The following TCEA1 variants were observed in gnomAD, a reference collection of about 807,000 sequenced individuals.
TCEA1 encodes transcription elongation factor A protein 1.
A neutral mutation model predicts 43.8 loss-of-function variants in TCEA1; 21 were observed. The ratio of observed to expected loss-of-function variants is 0.48; its 90% CI spans 0.34 to 0.69. The LOEUF is 0.69. Ranked by LOEUF, TCEA1 falls within the 30% of genes least tolerant of loss-of-function variation. The probability of loss-of-function intolerance (pLI) is 0.01; values close to 1 mark genes in which losing one functional copy is unlikely to be tolerated. For missense variants in TCEA1, 250 were observed against 365.1 expected (o/e 0.68, Z 2.57); for synonymous variants, 104 against 117.5 (o/e 0.88, Z 0.75).
intron 8 of TCEA1, chr8:53,973,349 G>T: frequency 1.9e-6 from 1 of 522,148 alleles, no homozygotes; most frequent in South Asian, 1.7e-5. Flanking sequence ...CTGACCCCTT[G>T]GGAACAATTT....
rs1803005745 is a variant in TCEA1, at chr8:53,966,996, A to G, written c.*1108T>C. 1 of 203,748 alleles carries G rather than the reference A, an allele frequency of 4.9e-6. No homozygotes were observed. The highest frequency in any genetic ancestry group is 2.3e-5 in the African/African-American group (1 of 43,602). The allele number at this position is 203,748 out of a possible 1,614,324, so 12.6% of individuals were successfully genotyped here. ...CAGAAAAAATGGTACACACTTTAACAAAAGCAAAACTTAATTGTAAGATCT... is the reference window on the plus strand; with the variant it reads ...CAGAAAAAATGGTACACACTTTAACGAAAGCAAAACTTAATTGTAAGATCT... On this transcript the variant is annotated 3_prime_UTR_variant, in exon 10 of 10. Transcript: ENST00000521604.
intron 2 of TCEA1, among the ~76,000 whole-genome samples, 151 bp from the exon 3 acceptor site, chr8:54,000,201 A>G (rs1032490106): frequency 3.3e-5 from 5 of 152,242 alleles, no homozygotes; most frequent in African/African-American, 1.2e-4. Flanking sequence ...AAATTATATT[A>G]AGATACATAC....
intron 3 of TCEA1, among the ~76,000 whole-genome samples, chr8:53,995,723 C>A (rs1459904023): frequency 6.6e-6 from 1 of 152,224 alleles, no homozygotes; most frequent in Non-Finnish European, 1.5e-5. Context: ...ATCCAAATCT[C>A]TGGCAGTGAG....
chr8:53,990,906 A>C (rs1342838236), intron 4 of TCEA1, among the ~76,000 whole-genome samples: 1 of 152,212 alleles, frequency 6.6e-6, no homozygotes, highest in Admixed American at 6.5e-5. Context: ...CAAGCAACTT[A>C]GATTTAACCT....
intron 8 of TCEA1, among the ~76,000 whole-genome samples, chr8:53,974,547 G>A (rs1412163660): frequency 7.2e-6 from 1 of 139,772 alleles, no homozygotes; most frequent in South Asian, 2.6e-4. Flanking sequence ...GTGGGGGGGG[G>A]ACGGAGTTTC....
intron 4 of TCEA1, among the ~76,000 whole-genome samples, chr8:53,990,187 G>C (rs1803828192): frequency 6.7e-6 from 1 of 149,692 alleles, no homozygotes; most frequent in Non-Finnish European, 1.5e-5. Flanking sequence ...AAAAGAGCAA[G>C]ACTCTGTCTC....
intron 8 of TCEA1, among the ~76,000 whole-genome samples, chr8:53,975,288 T>C (rs1422352539): frequency 6.6e-6 from 1 of 152,220 alleles, no homozygotes; most frequent in Non-Finnish European, 1.5e-5. Context: ...GTAATTGTTC[T>C]CTTTGGAAGG....
At chr8:53,973,003 G>T in intron 8 of TCEA1, 1 of 669,824 alleles carries the variant, frequency 1.5e-6, no homozygotes, top group South Asian at 1.4e-5. Context: ...GGATGAGACT[G>T]AACATGAAAG....
chr8:53,997,415 A>G (rs1268720151), intron 3 of TCEA1, among the ~76,000 whole-genome samples: 2 of 152,184 alleles, frequency 1.3e-5, no homozygotes, highest in Admixed American at 6.5e-5. Flanking sequence ...GCTATTAGCT[A>G]CAAGAGGAAA....
chr8:53,981,932 T>C lies in TCEA1; in HGVS notation c.678+2431A>G, dbSNP rs558484716. On this transcript the variant is annotated intron_variant, in intron 7 of 9. Coordinates refer to ENST00000521604, the MANE Select transcript of TCEA1 (RefSeq NM_006756.4). ...ACCATGCCCAGCTAAGTTTTCTTTT[T>C]TTTTTTTTTTTTTGTAGAGATGGGA... Among the ~76,000 whole-genome samples, 35 of 149,854 alleles carry C rather than the reference T, an allele frequency of 2.3e-4. 1 individual carries two copies. The East Asian group carries it at 4.1e-3, about 17-fold the overall frequency.
intron 8 of TCEA1, chr8:53,971,908 G>T: frequency 5.4e-6 from 1 of 186,118 alleles, no homozygotes; most frequent in Non-Finnish European, 1.1e-5. Flanking sequence ...TGAAAACCAT[G>T]TAAATCTAAG....
chr8:54,016,750 C>T (rs550033311), intron 1 of TCEA1, among the ~76,000 whole-genome samples: 1 of 151,996 alleles, frequency 6.6e-6, no homozygotes. Context: ...CCAAGACAGG[C>T]GGATTATGAG....
At chr8:53,990,900 C>T (rs772647208) in intron 4 of TCEA1, among the ~76,000 whole-genome samples, 2 of 152,202 alleles carry the variant, frequency 1.3e-5, no homozygotes, top group Non-Finnish European at 2.9e-5. Flanking sequence ...TAGCTACAAG[C>T]AACTTAGATT....
At chr8:53,986,892 C>T (rs1407001437) in intron 6 of TCEA1, 77 bp downstream of exon 6, 12 of 1,146,280 alleles carry the variant, frequency 1.0e-5, no homozygotes, top group African/African-American at 1.6e-5. Context: ...CATGTAAAAC[C>T]GTGCCTGGCA....
intron 7 of TCEA1, among the ~76,000 whole-genome samples, chr8:53,982,383 G>A (rs1048151821): frequency 1.3e-5 from 2 of 151,960 alleles, no homozygotes; most frequent in African/African-American, 4.8e-5. Flanking sequence ...CGAGGCGGGT[G>A]GATCACCTGA....
chr8:53,988,789 G>T (rs185881665), intron 4 of TCEA1, among the ~76,000 whole-genome samples: 1 of 152,126 alleles, frequency 6.6e-6, no homozygotes, highest in African/African-American at 2.4e-5. Flanking sequence ...CTGTTTCACT[G>T]GGCATGGTGG....
In TCEA1 at chr8:53,988,148, A is replaced by C. The variant is rs1457997775; in HGVS notation, c.432T>G (p.Cys144Trp). Residue 144 changes from cysteine to tryptophan, a missense_variant, in exon 5 of 10, where the codon TGT becomes TGG. By Grantham distance (215) the Cys-to-Trp change is radical (BLOSUM62 -2). Transcript: ENST00000521604. ...GAAGAGCTGCAGCAAGCATCTCCCT[A>C]CACTTCAACCGCACAGAATCAGAAG... ...PSTSDSVRLK[C>W]REMLAAALRT... 6.2e-7 allele frequency: 1 copy of C among 1,612,502 alleles called. No homozygotes were observed. Among genetic ancestry groups the C allele is most frequent in the South Asian group, 1.1e-5 (1 of 90,854 alleles).
chr8:54,017,047 A>G (rs955328354), intron 1 of TCEA1, among the ~76,000 whole-genome samples: 2 of 151,998 alleles, frequency 1.3e-5, no homozygotes, highest in Non-Finnish European at 2.9e-5. Flanking sequence ...CACATACTGT[A>G]TAATTTCACT....
At chr8:54,018,139 GTTA>G (rs902325051) in intron 1 of TCEA1, among the ~76,000 whole-genome samples, 1 of 152,150 alleles carries the variant, frequency 6.6e-6, no homozygotes, top group African/African-American at 2.4e-5. Flanking sequence ...TGTTGCAGTT[GTTA>G]TTTTAACTGA....
Sources: gnomAD v4.1 joint callset for allele counts (sites outside exome capture counted in the v4.1 genomes callset) on GRCh38, gnomAD v4.1.1 for gene constraint, MANE v1.5 for transcripts, NCBI Gene and HGNC (gene_info 2026-07-23, HGNC 2026-07-21) for gene names.